Variants in RIN3 observed in about 807,000 individuals in gnomAD.
RIN3 encodes Ras and Rab interactor 3, also known as RAB5 interacting protein 3.
RIN3 carries 54 observed loss-of-function variants against 76.3 expected under a neutral mutation model. That is an observed-to-expected ratio of 0.71 (90% CI 0.57 to 0.89). RIN3 has a LOEUF of 0.89. Ranked by LOEUF, RIN3 falls within the 40% of genes least tolerant of loss-of-function variation. RIN3 has a pLI of 0.00. For missense variants in RIN3, 1,256 were observed against 1,322.1 expected, an observed-to-expected ratio of 0.95 and a Z score of 0.78; for synonymous variants, 576 against 564.0, an observed-to-expected ratio of 1.02 and a Z score of -0.30.
chr14:92,536,742 G>GAAAAAAAAAAAAAAAA (rs66654234), intron 1 of RIN3, among the ~76,000 whole-genome samples: 1 of 128,234 alleles, frequency 7.8e-6, no homozygotes, highest in Non-Finnish European at 1.6e-5. Flanking sequence ...CTCCGTCTCA[G>GAAAAAAAAAAAAAAAA]AAAAAAAAAA....
At chr14:92,657,125 G>C (rs1451671638) in intron 6 of RIN3, among the ~76,000 whole-genome samples, 4 of 152,186 alleles carry the variant, frequency 2.6e-5, no homozygotes. Flanking sequence ...TTGGGAGGCC[G>C]AGGAGGGCAG....
chr14:92,520,436 T>C (rs561121170), intron 1 of RIN3, among the ~76,000 whole-genome samples: 1 of 152,320 alleles, frequency 6.6e-6, no homozygotes, highest in Non-Finnish European at 1.5e-5. Context: ...TCCTAGAGGA[T>C]ACTCCCCTGT....
chr14:92,561,238 A>G (rs903165234), intron 2 of RIN3, among the ~76,000 whole-genome samples: 2 of 149,352 alleles, frequency 1.3e-5, no homozygotes. Flanking sequence ...ACCTGGGTCT[A>G]CCCCTGCTGG....
At chr14:92,515,782 G>A (rs995732693) in intron 1 of RIN3, among the ~76,000 whole-genome samples, 1 of 152,216 alleles carries the variant, frequency 6.6e-6, no homozygotes, top group Non-Finnish European at 1.5e-5. Context: ...GGAAACATCC[G>A]TTCAGGCCTG....
At chr14:92,603,771 G>A (rs908340124) in intron 3 of RIN3, among the ~76,000 whole-genome samples, 15 of 152,154 alleles carry the variant, frequency 9.9e-5, no homozygotes, top group African/African-American at 3.1e-4. Flanking sequence ...CCCTGGTCTG[G>A]CAGCACCTTT....
chr14:92,601,889 C>A (rs1224425390), intron 3 of RIN3, among the ~76,000 whole-genome samples: 1 of 152,226 alleles, frequency 6.6e-6, no homozygotes, highest in Non-Finnish European at 1.5e-5. Flanking sequence ...AGCTCCCAGA[C>A]AAAGTCCTGG....
At chr14:92,609,246 A>AG (rs1416175112) in intron 3 of RIN3, among the ~76,000 whole-genome samples, 2 of 152,208 alleles carry the variant, frequency 1.3e-5, no homozygotes, top group African/African-American at 4.8e-5. Flanking sequence ...TGTGAGTGCC[A>AG]GGGGCTGGGC....
intron 4 of RIN3, among the ~76,000 whole-genome samples, chr14:92,624,075 C>T (rs927593904): frequency 6.6e-6 from 1 of 152,262 alleles, no homozygotes; most frequent in Non-Finnish European, 1.5e-5. Flanking sequence ...TGCGCACAAG[C>T]GTAACAGTCG....
intron 4 of RIN3, among the ~76,000 whole-genome samples, chr14:92,639,472 G>A (rs1886904877): frequency 6.6e-6 from 1 of 152,212 alleles, no homozygotes; most frequent in Admixed American, 6.5e-5. Context: ...CAGAGAACAG[G>A]GCAGGTGGGA....
At chr14:92,610,479 G>A (rs1394827866) in intron 3 of RIN3, among the ~76,000 whole-genome samples, 1 of 152,172 alleles carries the variant, frequency 6.6e-6, no homozygotes, top group East Asian at 1.9e-4. Flanking sequence ...TGGGCTCAGG[G>A]CAGGGGACAG....
chr14:92,529,253 CT>C (rs869262910), intron 1 of RIN3, among the ~76,000 whole-genome samples: 242 of 142,974 alleles, frequency 1.7e-3, no homozygotes, highest in Admixed American at 3.8e-3. Flanking sequence ...CTTTTTTTTT[CT>C]TTTTTTTTTT....
chr14:92,678,674 CCATCCACT>C (rs1360280468), intron 8 of RIN3, among the ~76,000 whole-genome samples: 2 of 151,960 alleles, frequency 1.3e-5, no homozygotes, highest in Non-Finnish European at 2.9e-5. Context: ...ACCCGTCCAC[CCATCCACT>C]CATCCACTCG....
chr14:92,544,854 C>A (rs2140020683), intron 1 of RIN3, among the ~76,000 whole-genome samples: 1 of 152,232 alleles, frequency 6.6e-6, no homozygotes, highest in East Asian at 1.9e-4. Flanking sequence ...ATAAATAAAT[C>A]ATTGCAGAAC....
chr14:92,652,491 C>T lies in RIN3; in HGVS notation c.1442C>T (p.Ala481Val). 1 of 1,614,130 alleles carries T rather than the reference C, an allele frequency of 6.2e-7. No homozygotes were observed. Among genetic ancestry groups the T allele is most frequent in the Non-Finnish European group, 8.5e-7 (1 of 1,180,030 alleles). Residue 481 changes from alanine to valine, a missense_variant, in exon 6 of 10, where the codon GCT becomes GTT. Physicochemically the swap from Ala to Val is moderately conservative, Grantham distance 64. Around this residue, in one of 3 missense-constraint regions of RIN3, gnomAD observed 428 missense variants for 521.2 expected, o/e 0.82. Transcript: ENST00000216487. The surrounding 1 kb of genome is among the most constrained non-coding windows in gnomAD (Gnocchi z 6.4). ...ACCCTCCCAGCTCCCTTAGAGAACG[C>T]TGAGCTCTGCACACAGGCGATGGCC... Reference protein sequence around the residue: ...ASTLPAPLENAELCTQAMALE... With the variant: ...ASTLPAPLENVELCTQAMALE...
At chr14:92,687,538 T>G in intron 9 of RIN3, 1 of 227,850 alleles carries the variant, frequency 4.4e-6, no homozygotes, top group East Asian at 1.3e-4. Flanking sequence ...GCACCTCCCT[T>G]CTTATCTGTG....
chr14:92,627,263 C>T (rs1354467033), intron 4 of RIN3, among the ~76,000 whole-genome samples: 4 of 152,198 alleles, frequency 2.6e-5, no homozygotes, highest in Non-Finnish European at 1.5e-5. Flanking sequence ...GAGGCTCAAC[C>T]CCCATTAATG....
At chr14:92,657,620 G>A (rs934413939) in intron 6 of RIN3, among the ~76,000 whole-genome samples, 5 of 152,230 alleles carry the variant, frequency 3.3e-5, no homozygotes, top group East Asian at 1.9e-4. Flanking sequence ...AGACATGGCC[G>A]AGGTCATGCA....
At chr14:92,607,446 T>G (rs1885567384) in intron 3 of RIN3, among the ~76,000 whole-genome samples, 1 of 152,164 alleles carries the variant, frequency 6.6e-6, no homozygotes, top group Non-Finnish European at 1.5e-5. Flanking sequence ...GAGTTACCCA[T>G]CTCTACAAAA....
chr14:92,603,007 G>A (rs899199848), intron 3 of RIN3, among the ~76,000 whole-genome samples: 3 of 152,310 alleles, frequency 2.0e-5, no homozygotes, highest in South Asian at 4.1e-4. Flanking sequence ...TCACTTTCCC[G>A]TTGGCCTCCA....
Sources: allele counts gnomAD v4.1 joint callset (sites outside exome capture counted in the v4.1 genomes callset), GRCh38; gene constraint gnomAD v4.1.1; regional missense constraint gnomAD v4.1.1; non-coding constraint Gnocchi (gnomAD v3.1); transcripts MANE v1.5; gene names NCBI Gene and HGNC (gene_info 2026-07-23, HGNC 2026-07-21).